IQGAP2: variants seen among roughly 807,000 people sequenced by gnomAD.
The protein encoded by IQGAP2 is IQ motif containing GTPase activating protein 2.
IQGAP2 carries 173 observed loss-of-function variants against 201.3 expected under a neutral mutation model. The observed-to-expected ratio is 0.86, with a 90% CI of 0.76 to 0.98. The LOEUF (loss-of-function observed/expected upper bound fraction) is 0.98, where lower values mean the gene tolerates loss of function less well. Among genes scored for constraint, IQGAP2 ranks in the 50% least tolerant of loss-of-function variants. IQGAP2 has a pLI of 0.00. For synonymous variants in IQGAP2, 675 were observed against 673.9 expected (o/e 1.00, Z -0.03); for missense variants, 1,687 against 1,864.8 (o/e 0.90, Z 1.76).
At chr5:76,673,830 C>A in intron 25 of IQGAP2, 122 bp from the exon 26 acceptor site, 1 of 708,694 alleles carries the variant, frequency 1.4e-6, no homozygotes, top group Non-Finnish European at 2.4e-6. Flanking sequence ...ATTACCATCT[C>A]ATCTTATGTT....
At chr5:76,673,082 T>TA (rs929230853) in intron 24 of IQGAP2, among the ~76,000 whole-genome samples, 141 of 151,876 alleles carry the variant, frequency 9.3e-4, no homozygotes, top group African/African-American at 3.3e-3. Context: ...ATAATTAATT[T>TA]AAAAAAAAGA....
rs779351382 is a variant in IQGAP2 at position 76,654,268 on chromosome 5, T to C, written c.2247T>C (p.Asp749=). ...TTTCAAGACTACAGTATTTCAGAGATCATGTAAGAAAAATGCCTGTGGGAT... is the reference window on the plus strand; with the variant it reads ...TTTCAAGACTACAGTATTTCAGAGACCATGTAAGAAAAATGCCTGTGGGAT... The part of the protein sequence containing the change: ...SYLSRLQYFR[D]HNNEIVKIQS... Residue 749 remains aspartate, a synonymous_variant, in exon 19 of 36, where the codon GAT becomes GAC. Coordinates refer to ENST00000274364, the MANE Select transcript of IQGAP2 (RefSeq NM_006633.5). The C allele has an allele frequency of 6.2e-7, 1 of 1,602,230 alleles. No individual in the cohort carries two copies.
At chr5:76,653,624 T>C (rs1380409586) in intron 18 of IQGAP2, among the ~76,000 whole-genome samples, 1 of 152,074 alleles carries the variant, frequency 6.6e-6, no homozygotes, top group Non-Finnish European at 1.5e-5. Flanking sequence ...AAAAACAAAT[T>C]TAAAAAACGT....
chr5:76,586,348 TAAA>T (rs532292018), intron 5 of IQGAP2, among the ~76,000 whole-genome samples: 2 of 141,678 alleles, frequency 1.4e-5, no homozygotes. Flanking sequence ...ACACATATGG[TAAA>T]AAAAAAAAAA....
intron 30 of IQGAP2, among the ~76,000 whole-genome samples, chr5:76,686,296 GTT>G (rs59286743): frequency 2.9e-4 from 38 of 130,272 alleles, no homozygotes; most frequent in African/African-American, 9.9e-4. Context: ...CCGCACAAAT[GTT>G]TTTTTTTTTT....
intron 13 of IQGAP2, chr5:76,618,178 T>C (rs2069700): frequency 0.021 from 33,653 of 1,614,118 alleles, 488 homozygotes; most frequent in Non-Finnish European, 0.024. Flanking sequence ...GAGCAGTACA[T>C]GTTGCCATAG....
In IQGAP2 at chr5:76,706,600, A is replaced by G. The variant is rs2150573615; in HGVS notation, c.4615-600A>G. 1.3e-5 allele frequency among the ~76,000 whole-genome samples: 2 copies of G among 152,276 alleles called. 1 individual carries two copies. Among genetic ancestry groups the G allele is most frequent in the East Asian group, 3.9e-4 (2 of 5,172 alleles). On this transcript the variant is annotated intron_variant, in intron 35 of 35. Transcript: ENST00000274364. ...TGACCTCAAGTGATCCACCTGCCTC[A>G]GCCTCTCAAACTGCTGGTATTACAG...
intron 2 of IQGAP2, among the ~76,000 whole-genome samples, chr5:76,541,837 G>C (rs1341660354): frequency 6.6e-6 from 1 of 152,220 alleles, no homozygotes; most frequent in African/African-American, 2.4e-5. Context: ...ATGCTGGAAA[G>C]AGCAGCTTTC....
Position 76,408,125 on chromosome 5 carries a change from C to T in IQGAP2, c.46+4534C>T, listed in dbSNP as rs935845418. On this transcript the variant is annotated intron_variant, in intron 1 of 35. Coordinates refer to ENST00000274364, the MANE Select transcript of IQGAP2 (RefSeq NM_006633.5). ...GCAATAAGCCGAGATCACGCCACTG[C>T]GTTCCAGCCTGGGCGAAAGAGCGAG... Among the ~76,000 whole-genome samples, 5 of 152,062 alleles carry T rather than the reference C, an allele frequency of 3.3e-5. No individual in the cohort carries two copies. In the South Asian group the frequency reaches 6.2e-4, roughly 19 times the overall value.
chr5:76,505,899 C>G (rs1049228844), intron 2 of IQGAP2, among the ~76,000 whole-genome samples: 7 of 152,192 alleles, frequency 4.6e-5, no homozygotes, highest in Admixed American at 4.6e-4. Context: ...CCCCTCTGCT[C>G]AGCAACCCCC....
At chr5:76,481,815 A>T (rs1005294019) in intron 2 of IQGAP2, among the ~76,000 whole-genome samples, 2 of 152,246 alleles carry the variant, frequency 1.3e-5, no homozygotes, top group South Asian at 2.1e-4. Context: ...TTTAATACTT[A>T]CATGGGGCTA....
chr5:76,520,700 C>CTTTTTTTT (rs5868829), intron 2 of IQGAP2, among the ~76,000 whole-genome samples: 5 of 109,238 alleles, frequency 4.6e-5, no homozygotes, highest in African/African-American at 1.4e-4. Flanking sequence ...GGTCTCTCCT[C>CTTTTTTTT]TTTTTTTTTT....
chr5:76,429,584 A>ATATATATATATATATATATATT (rs1312866749), intron 1 of IQGAP2, among the ~76,000 whole-genome samples: 2 of 125,134 alleles, frequency 1.6e-5, no homozygotes, highest in African/African-American at 5.2e-5. Context: ...AAAAAAATTT[A>ATATATATATATATATATATATT]TATATATATA....
chr5:76,642,808 C>T (rs1407432739), intron 17 of IQGAP2, among the ~76,000 whole-genome samples: 1 of 152,190 alleles, frequency 6.6e-6, no homozygotes, highest in African/African-American at 2.4e-5. Flanking sequence ...ACTCCGGCTA[C>T]ACCACCCTCC....
intron 17 of IQGAP2, among the ~76,000 whole-genome samples, 183 bp from the exon 18 acceptor site, chr5:76,652,567 G>C (rs1252927844): frequency 2.6e-5 from 4 of 152,176 alleles, no homozygotes; most frequent in Admixed American, 1.3e-4. Context: ...TCAGCTGTGA[G>C]CTGATGTGCT....
At chr5:76,573,776 TA>T (rs1745282037) in intron 4 of IQGAP2, among the ~76,000 whole-genome samples, 1 of 147,908 alleles carries the variant, frequency 6.8e-6, no homozygotes, top group East Asian at 2.3e-4. Context: ...CATGCCCAGC[TA>T]TTTTTTTTTT....
rs768487177 is a variant in IQGAP2, at chr5:76,683,199, A to C, written c.3745A>C (p.Thr1249Pro). 1 of 1,611,368 alleles carries C rather than the reference A, an allele frequency of 6.2e-7. No individual in the cohort carries two copies. Among genetic ancestry groups the C allele is most frequent in the African/African-American group, 1.3e-5 (1 of 74,708 alleles). ...ELLGSLGEVP[T>P]VESFLGEGAV... is the part of the protein sequence containing the mutation. The stretch of plus-strand genomic sequence containing the variant: ...GCTGGGGTCGCTGGGAGAGGTGCCA[A>C]CCGTGGAATCTTTTCTTGGTAAGAG... Residue 1249 changes from threonine (T) to proline (P), a missense_variant, in exon 29 of 36, where the codon ACC becomes CCC. Coordinates refer to ENST00000274364, the MANE Select transcript of IQGAP2 (RefSeq NM_006633.5).
intron 1 of IQGAP2, among the ~76,000 whole-genome samples, chr5:76,428,560 A>G (rs1752145787): frequency 6.7e-6 from 1 of 150,256 alleles, no homozygotes. Context: ...CTTCCCAAGT[A>G]GCTGGGATTA....
Position 76,683,777 on chromosome 5 carries a change from G to A in IQGAP2, c.3765G>A (p.Gly1255=), listed in dbSNP as rs772045355. 6.2e-7 allele frequency: 1 copy of A among 1,608,580 alleles called. No individual in the cohort carries two copies. The highest frequency in any genetic ancestry group is 8.5e-7 in the Non-Finnish European group (1 of 1,177,486). ...GEVPTVESFL[G]EGAVDPNDPN... is the part of the protein sequence containing the mutation. ...TAACACTAGGTTTTTTCCCTACAGGGGAAGGAGCAGTTGACCCCAATGACC... is the reference window on the plus strand; with the variant it reads ...TAACACTAGGTTTTTTCCCTACAGGAGAAGGAGCAGTTGACCCCAATGACC... The change falls in exon 30 of 36, where the codon GGG becomes GGA. Residue 1255 remains glycine, a splice_region_variant and synonymous_variant. Transcript: ENST00000274364.
Sources: gnomAD v4.1 joint callset for allele counts (sites outside exome capture counted in the v4.1 genomes callset) on GRCh38, gnomAD v4.1.1 for gene constraint, MANE v1.5 for transcripts, NCBI Gene and HGNC (gene_info 2026-07-23, HGNC 2026-07-21) for gene names.